The following IKBKE variants were observed in gnomAD, a reference collection of about 807,000 sequenced individuals.
The protein encoded by IKBKE is inhibitor of nuclear factor kappa B kinase subunit epsilon.
In IKBKE, 45 loss-of-function variants were observed where a neutral mutation model predicts 92.1. The ratio of observed to expected loss-of-function variants is 0.49; its 90% CI spans 0.38 to 0.63. The LOEUF (loss-of-function observed/expected upper bound fraction) is 0.63, where lower values mean the gene tolerates loss of function less well. Ranked by LOEUF, IKBKE falls within the 20% of genes least tolerant of loss-of-function variation. The pLI, the probability that IKBKE is intolerant of heterozygous loss-of-function variation, is 0.00. For missense variants in IKBKE, 700 were observed against 932.8 expected (o/e 0.75, Z 3.25); for synonymous variants, 374 against 380.3 (o/e 0.98, Z 0.19).
At chr1:206,481,900 C>T (rs1558478619) in intron 13 of IKBKE, among the ~76,000 whole-genome samples, 3 of 150,536 alleles carry the variant, frequency 2.0e-5, no homozygotes, top group Non-Finnish European at 4.4e-5. Context: ...CTGCCTCAGC[C>T]TCCCAAGTAG....
intron 3 of IKBKE, among the ~76,000 whole-genome samples, chr1:206,473,552 C>A (rs1664892566): frequency 6.6e-6 from 1 of 152,178 alleles, no homozygotes. Context: ...AGTAACAAGG[C>A]AAACATCCGA....
intron 10 of IKBKE, among the ~76,000 whole-genome samples, chr1:206,479,437 G>A (rs1168822452): frequency 6.6e-6 from 1 of 152,174 alleles, no homozygotes; most frequent in Non-Finnish European, 1.5e-5. Flanking sequence ...GAAGCCTCAG[G>A]CAGTTTGTGT....
At chr1:206,472,461 G>C (rs781999213) in intron 2 of IKBKE, among the ~76,000 whole-genome samples, 1 of 152,088 alleles carries the variant, frequency 6.6e-6, no homozygotes, top group Non-Finnish European at 1.5e-5. Context: ...GGGAAACAGA[G>C]TTGTAGGGGG....
intron 15 of IKBKE, among the ~76,000 whole-genome samples, chr1:206,486,548 G>T (rs1217700449): frequency 2.0e-5 from 3 of 151,386 alleles, no homozygotes; most frequent in African/African-American, 7.3e-5. Context: ...GATGAAGGCT[G>T]CAGATCTGAG....
At chr1:206,481,873 G>C (rs550907683) in intron 13 of IKBKE, among the ~76,000 whole-genome samples, 1 of 141,178 alleles carries the variant, frequency 7.1e-6, no homozygotes, top group Non-Finnish European at 1.5e-5. Context: ...TCCGCCTCCC[G>C]GGTTCACGCC....
At chr1:206,479,833 T>C (rs1553386481) in intron 10 of IKBKE, 37 bp from the exon 11 acceptor site, 2 of 1,609,454 alleles carry the variant, frequency 1.2e-6, no homozygotes, top group African/African-American at 1.3e-5. Flanking sequence ...CCCAGCACCA[T>C]ACAGGCAGGC....
Position 206,487,765 on chromosome 1 carries a change from C to CG in IKBKE, c.1617-146dup, listed in dbSNP as rs1421047638. The CG allele has an allele frequency of 1.6e-6, 1 of 620,404 alleles. No homozygotes were observed. The highest frequency in any genetic ancestry group is 2.9e-6 in the Non-Finnish European group (1 of 340,256). 38.4% of individuals were successfully genotyped at this position (620,404 alleles called of 1,614,324 possible). On this transcript the variant is annotated intron_variant, in intron 15 of 21. Coordinates refer to ENST00000581977, the MANE Select transcript of IKBKE (RefSeq NM_014002.4). The surrounding 1 kb of genome is among the most constrained non-coding windows in gnomAD (Gnocchi z 5.3). ...ACGGGGTCTCAAATAAGCCTAGAGACGGGACAGCCACCTCCACTCCCAGAC... is the reference window on the plus strand; with the variant it reads ...ACGGGGTCTCAAATAAGCCTAGAGACGGGGACAGCCACCTCCACTCCCAGAC...
chr1:206,476,548 AT>A lies in IKBKE; in HGVS notation c.541-125del. On this transcript the variant is annotated intron_variant, in intron 6 of 21. Coordinates refer to ENST00000581977, the MANE Select transcript of IKBKE (RefSeq NM_014002.4). The surrounding 1 kb of genome is among the most constrained non-coding windows in gnomAD (Gnocchi z 5.1). ...GATGGAAAAGGTGAGGCTGACACCC[AT>A]TTTTAAGATGACAAAGAAGGATTTG... is the stretch of plus-strand genomic sequence containing the variant. The A allele has an allele frequency of 8.1e-7, 1 of 1,232,310 alleles. No individual in the cohort carries two copies. Among genetic ancestry groups the A allele is most frequent in the Non-Finnish European group, 1.1e-6 (1 of 877,378 alleles). 76.3% of individuals were successfully genotyped at this position (1,232,310 alleles called of 1,614,324 possible).
rs1274574046 is a variant in IKBKE at position 206,493,358 on chromosome 1, A to C, written c.2025A>C (p.Thr675=). ...CCATAGCTCCTTACCCCAGCCCTAC[A>C]CGAAAGGACCTGCTTCTCCAGTAAG... The part of the protein sequence containing the change: ...PPPIAPYPSP[T]RKDLLLHMQE... The change falls in exon 20 of 22, where the codon ACA becomes ACC. Residue 675 remains threonine, a synonymous_variant. Transcript: ENST00000581977. 6.2e-7 allele frequency: 1 copy of C among 1,613,618 alleles called. No homozygotes were observed. The highest frequency in any genetic ancestry group is 8.5e-7 in the Non-Finnish European group (1 of 1,179,708).
At chr1:206,486,733 C>T (rs1487321492) in intron 15 of IKBKE, among the ~76,000 whole-genome samples, 1 of 139,312 alleles carries the variant, frequency 7.2e-6, no homozygotes. Flanking sequence ...ATCGAGGTCC[C>T]ATCCTTTTGG....
At chr1:206,477,903 G>T (rs540269768) in intron 8 of IKBKE, 44 bp downstream of exon 8, 3 of 1,314,248 alleles carry the variant, frequency 2.3e-6, no homozygotes, top group African/African-American at 2.9e-5. Context: ...GTCTGAGCTG[G>T]GTGTCACTTC....
chr1:206,475,156 T>A (rs2103451835), intron 5 of IKBKE, 162 bp downstream of exon 5: 1 of 710,788 alleles, frequency 1.4e-6, no homozygotes. Flanking sequence ...CACAGCAGCA[T>A]TATTTACAAT....
chr1:206,496,387 C>T lies in IKBKE; in HGVS notation c.*242C>T. ...CCCACAGGAAAGAGTGTGGCAGCAA[C>T]TGCCTGGCTGACCTTTCTATCTTCT... On this transcript the variant is annotated 3_prime_UTR_variant, in exon 22 of 22. Coordinates refer to ENST00000581977, the MANE Select transcript of IKBKE (RefSeq NM_014002.4). 1 of 540,850 alleles carries T rather than the reference C, an allele frequency of 1.8e-6. No individual in the cohort carries two copies. The highest frequency in any genetic ancestry group is 3.1e-5 in the East Asian group (1 of 32,764). 33.5% of individuals were successfully genotyped at this position (540,850 alleles called of 1,614,324 possible). A position where few individuals can be genotyped will look rare whatever the true frequency, so the allele number is the denominator to read the frequency against.
In IKBKE at chr1:206,480,074, A is replaced by G; in HGVS notation, c.1301A>G (p.Asp434Gly). 6.3e-7 allele frequency: 1 copy of G among 1,597,182 alleles called. No individual in the cohort carries two copies. Among genetic ancestry groups the G allele is most frequent in the East Asian group, 2.3e-5 (1 of 44,332 alleles). The change falls in exon 12 of 22, where the codon GAT becomes GGT. Residue 434 changes from aspartate (D) to glycine (G), a missense_variant. Physicochemically the swap from Asp to Gly is moderately conservative, Grantham distance 94 (BLOSUM62 -1). Transcript: ENST00000581977. ...QALRLARALL[D>G]GQELMFRGLH... ...CTGCGGCTGGCACGGGCCCTGCTGGATGGGCAGGAGCTAATGTTTCGGGGG... is the reference window on the plus strand; with the variant it reads ...CTGCGGCTGGCACGGGCCCTGCTGGGTGGGCAGGAGCTAATGTTTCGGGGG...
At chr1:206,484,191 G>A (rs1553387972) in intron 13 of IKBKE, among the ~76,000 whole-genome samples, 1 of 149,698 alleles carries the variant, frequency 6.7e-6, no homozygotes, top group Non-Finnish European at 1.5e-5. Flanking sequence ...GGGTCTCACT[G>A]TGTTTCCCAG....
intron 12 of IKBKE, 40 bp downstream of exon 12, chr1:206,480,153 GCAGGAGAGGGAGGCGGA>G (rs1665295933): frequency 1.1e-5 from 15 of 1,351,272 alleles, no homozygotes; most frequent in Middle Eastern, 2.7e-4. Flanking sequence ...GGGGAGGCGG[GCAGGAGAGGGAGGCGGA>G]CAGGAGGGGG....
At chr1:206,486,295 T>A (rs1404383793) in intron 15 of IKBKE, among the ~76,000 whole-genome samples, 1 of 150,868 alleles carries the variant, frequency 6.6e-6, no homozygotes, top group East Asian at 1.9e-4. Context: ...CCCGTCCTTT[T>A]GGATGAAGGC....
At chr1:206,470,852 C>T (rs1008559883) in intron 1 of IKBKE, among the ~76,000 whole-genome samples, 154 bp downstream of exon 1, 9 of 152,126 alleles carry the variant, frequency 5.9e-5, no homozygotes, top group Admixed American at 3.9e-4. Context: ...TGAGCCACCA[C>T]GGGCCAACCA....
intron 20 of IKBKE, 111 bp from the exon 21 acceptor site, chr1:206,493,809 A>T: frequency 2.6e-6 from 2 of 762,620 alleles, no homozygotes; most frequent in Non-Finnish European, 2.1e-6. Flanking sequence ...ACAAAAAAGA[A>T]TAAAGAGGCT....
Sources: gnomAD v4.1 joint callset for allele counts (sites outside exome capture counted in the v4.1 genomes callset) on GRCh38, gnomAD v4.1.1 for gene constraint, Gnocchi (gnomAD v3.1) non-coding constraint, MANE v1.5 for transcripts, NCBI Gene and HGNC (gene_info 2026-07-23, HGNC 2026-07-21) for gene names.